FAAH2: variants seen among roughly 807,000 people sequenced by gnomAD.
FAAH2 encodes fatty-acid amide hydrolase 2.
A neutral mutation model predicts 36.9 loss-of-function variants in FAAH2; 60 were observed. The ratio of observed to expected loss-of-function variants is 1.63; its 90% CI spans 1.32 to 2.02. The LOEUF (loss-of-function observed/expected upper bound fraction) is 2.02, where lower values mean the gene tolerates loss of function less well. FAAH2 is among the 30% of genes most tolerant of loss of function. The pLI is 0.00. For missense variants in FAAH2, 689 were observed against 397.5 expected, an observed-to-expected ratio of 1.73 and a Z score of -6.23; for synonymous variants, 214 against 143.8, an observed-to-expected ratio of 1.49 and a Z score of -3.49.
At chrX:57,135,453 G>A in the FAAH2 span, 2 of 211,821 alleles carry the variant, frequency 9.4e-6, no homozygotes, top group Non-Finnish European at 1.7e-5. Context: ...CTCTCCCCAA[G>A]ACAGCCAATC....
the FAAH2 span, among the ~76,000 whole-genome samples, chrX:57,243,589 G>A: frequency 3.4e-3 from 386 of 112,308 alleles, 2 homozygotes; most frequent in African/African-American, 0.012. Flanking sequence ...GCCTCTGCTG[G>A]TGATACTCAG....
At chrX:57,125,352 A>T in the FAAH2 span, among the ~76,000 whole-genome samples, 1 of 112,165 alleles carries the variant, frequency 8.9e-6, no homozygotes, top group African/African-American at 3.2e-5. Flanking sequence ...CCAGGGATGA[A>T]GCTCAGTGAG....
the FAAH2 span, among the ~76,000 whole-genome samples, chrX:57,232,519 TTGA>T: frequency 8.9e-6 from 1 of 112,202 alleles, no homozygotes; most frequent in Non-Finnish European, 1.9e-5. Context: ...CAAATTTAAT[TTGA>T]TTCTCAGAAT....
intron 5 of FAAH2, among the ~76,000 whole-genome samples, chrX:57,363,124 G>A (rs924626322): frequency 1.8e-5 from 2 of 111,943 alleles, no homozygotes; most frequent in African/African-American, 6.5e-5. Flanking sequence ...CACATTGAGA[G>A]TTTGATGGGG....
At chrX:57,448,940 A>G (rs2056734622) in intron 10 of FAAH2, among the ~76,000 whole-genome samples, 1 of 111,803 alleles carries the variant, frequency 8.9e-6, no homozygotes, top group Admixed American at 9.5e-5. Context: ...GCATATGAGT[A>G]TCCACATTTT....
intron 8 of FAAH2, among the ~76,000 whole-genome samples, chrX:57,433,075 G>A (rs915444707): frequency 9.0e-6 from 1 of 110,995 alleles, no homozygotes; most frequent in Non-Finnish European, 1.9e-5. Flanking sequence ...ATTCACAAGG[G>A]GAGGAGGTTT....
the FAAH2 span, among the ~76,000 whole-genome samples, chrX:57,145,967 A>G: frequency 2.7e-5 from 3 of 110,232 alleles, no homozygotes; most frequent in Non-Finnish European, 5.7e-5. Flanking sequence ...ATGGCCTTAT[A>G]GTATAGTTTG....
the FAAH2 span, among the ~76,000 whole-genome samples, chrX:57,183,892 C>T: frequency 3.6e-5 from 4 of 110,365 alleles, no homozygotes; most frequent in Non-Finnish European, 5.7e-5. Flanking sequence ...TAGGAGATAT[C>T]GCTAAATTTT....
chrX:57,273,941 A>G, the FAAH2 span, among the ~76,000 whole-genome samples: 4 of 111,674 alleles, frequency 3.6e-5, no homozygotes, highest in Non-Finnish European at 5.6e-5. Flanking sequence ...AGAGGCACAA[A>G]CAACCCTCCA....
At chrX:57,220,184 A>G in the FAAH2 span, among the ~76,000 whole-genome samples, 1 of 106,449 alleles carries the variant, frequency 9.4e-6, no homozygotes, top group African/African-American at 3.5e-5. Flanking sequence ...CACCCCTCCC[A>G]GCCCCTACCT....
At chrX:57,281,993 A>G (rs1026237372), upstream of FAAH2, among the ~76,000 whole-genome samples, 1 of 111,916 alleles carries the variant, frequency 8.9e-6, no homozygotes, top group Non-Finnish European at 1.9e-5. Flanking sequence ...GGTTGATTAC[A>G]TGTCTTTGTT....
chrX:57,473,181 C>T (rs1280608794), intron 10 of FAAH2, among the ~76,000 whole-genome samples: 1 of 110,939 alleles, frequency 9.0e-6, no homozygotes, highest in South Asian at 3.7e-4. Context: ...TATAAACTTT[C>T]GTTTTAGCAC....
intron 8 of FAAH2, among the ~76,000 whole-genome samples, chrX:57,444,924 C>T (rs2056641774): frequency 8.9e-6 from 1 of 111,893 alleles, no homozygotes; most frequent in Non-Finnish European, 1.9e-5. Context: ...CCTCAAGACA[C>T]CTATTTTCAA....
the FAAH2 span, among the ~76,000 whole-genome samples, chrX:57,158,986 G>A: frequency 2.7e-5 from 3 of 112,460 alleles, no homozygotes; most frequent in Non-Finnish European, 5.6e-5. Flanking sequence ...GGTCTAACAT[G>A]TAAGTCTTTA....
At chrX:57,483,892 C>T (rs1004883277) in intron 10 of FAAH2, among the ~76,000 whole-genome samples, 2 of 103,716 alleles carry the variant, frequency 1.9e-5, no homozygotes, top group African/African-American at 3.7e-5. Flanking sequence ...CTCCACCTCC[C>T]GAGTTCAAGC....
At chrX:57,173,643 G>C in the FAAH2 span, among the ~76,000 whole-genome samples, 1 of 111,833 alleles carries the variant, frequency 8.9e-6, no homozygotes, top group Non-Finnish European at 1.9e-5. Flanking sequence ...AGGCAACCTT[G>C]TTCCAATTCT....
At chrX:57,388,568 G>C (rs903796083) in intron 7 of FAAH2, among the ~76,000 whole-genome samples, 3 of 111,014 alleles carry the variant, frequency 2.7e-5, no homozygotes, top group Non-Finnish European at 3.8e-5. Context: ...TCTTTCACTA[G>C]TAGGGTACAT....
chrX:57,187,550 G>A, the FAAH2 span, among the ~76,000 whole-genome samples: 4 of 110,416 alleles, frequency 3.6e-5, no homozygotes, highest in Non-Finnish European at 7.6e-5. Flanking sequence ...ATTTTAATAC[G>A]CTTTATTTCT....
chrX:57,392,543 G>C lies in FAAH2; in HGVS notation c.996+11514G>C, dbSNP rs985048711. Reference sequence around the variant, plus strand: ...TTAGTTTCAGATCTTCTGGGCAGGGGCTGACTCTTGGCTGCCTTATACTTC... The same window carrying C: ...TTAGTTTCAGATCTTCTGGGCAGGGCCTGACTCTTGGCTGCCTTATACTTC... On this transcript the variant is annotated intron_variant, in intron 7 of 10. Coordinates refer to ENST00000374900, the MANE Select transcript of FAAH2 (RefSeq NM_174912.4). The C allele has an allele frequency of 5.1e-6, 4 of 785,364 alleles. No individual in the cohort carries two copies. The African/African-American group carries it at 8.2e-5, about 16-fold the overall frequency. The allele number at this position is 785,364 out of a possible 1,213,427, so 64.7% of individuals were successfully genotyped here. A position where few individuals can be genotyped will look rare whatever the true frequency, so the allele number is the denominator to read the frequency against.
Sources: allele counts gnomAD v4.1 joint callset (sites outside exome capture counted in the v4.1 genomes callset), GRCh38; gene constraint gnomAD v4.1.1; transcripts MANE v1.5; gene names NCBI Gene and HGNC (gene_info 2026-07-23, HGNC 2026-07-21).